Variants in IL2RG observed in about 807,000 individuals in gnomAD.
The protein encoded by IL2RG is cytokine receptor common subunit gamma.
For missense variants in IL2RG, 205 were observed against 272.9 expected (o/e 0.75, Z 1.75); for synonymous variants, 111 against 108.5 (o/e 1.02, Z -0.15).
chrX:71,109,883 T>C (rs1602289010), intron 4 of IL2RG, among the ~76,000 whole-genome samples: 1 of 96,630 alleles, frequency 1.0e-5, no homozygotes, highest in Admixed American at 1.2e-4. Context: ...GAGCCCAAGA[T>C]CGCCCCACTG....
rs754256514 is a variant in IL2RG at position 71,111,055 on chromosome X, A to C, written c.116-5T>G. ...GCATAGTGGTCAGGAAGAAATCTAG[A>C]TTGGGGAGAAAATGAAGGCAGGGAG... On this transcript the variant is annotated splice_polypyrimidine_tract_variant and splice_region_variant and intron_variant, in intron 1 of 7. Coordinates refer to ENST00000374202, the MANE Select transcript of IL2RG (RefSeq NM_000206.3). 16 of 1,187,703 alleles carry C rather than the reference A, an allele frequency of 1.3e-5. No homozygotes were observed. Among genetic ancestry groups the C allele is most frequent in the Non-Finnish European group, 1.8e-5 (16 of 882,415 alleles).
intron 4 of IL2RG, 151 bp downstream of exon 4, chrX:71,110,005 A>T: frequency 3.9e-6 from 2 of 519,116 alleles, no homozygotes; most frequent in Non-Finnish European, 6.7e-6. Context: ...TAGGGGGGAA[A>T]GGAGTTGGAG....
At position 71,107,836 on chromosome X, in the gene IL2RG, G is replaced by T. The variant is rs753250328; in HGVS notation, c.1010C>A (p.Pro337Gln). Residue 337 changes from proline to glutamine, a missense_variant, in exon 8 of 8, where the codon CCA (proline) becomes CAA (glutamine). By Grantham distance (76) the Pro-to-Gln change is moderately conservative. Coordinates refer to ENST00000374202, the MANE Select transcript of IL2RG (RefSeq NM_000206.3). ...CCCCTCCCCAAGGGCCCCTCCTTTTGGGGGAATCTCACTGACGAGGCAGAG... is the reference window on the plus strand; with the variant it reads ...CCCCTCCCCAAGGGCCCCTCCTTTTTGGGGAATCTCACTGACGAGGCAGAG... ...ERLCLVSEIP[P>Q]KGGALGEGPG... 9 of 1,206,778 alleles carry T rather than the reference G, an allele frequency of 7.5e-6. No homozygotes were observed. Among genetic ancestry groups the T allele is most frequent in the Non-Finnish European group, 1.0e-5 (9 of 891,975 alleles).
chrX:71,111,318 A>G (rs1192287450), intron 1 of IL2RG, 107 bp downstream of exon 1: 1 of 1,083,902 alleles, frequency 9.2e-7, no homozygotes, highest in East Asian at 3.2e-5. Context: ...CCACTTTTCA[A>G]TTCTGCCCAC....
chrX:71,109,453 C>G (rs1243659854), intron 4 of IL2RG, 63 bp from the exon 5 acceptor site: 24 of 1,028,258 alleles, frequency 2.3e-5, no homozygotes, highest in Non-Finnish European at 1.4e-6. Flanking sequence ...TTAAAACATA[C>G]TCCTGAACAC....
At chrX:71,109,608 A>G (rs1283967504) in intron 4 of IL2RG, among the ~76,000 whole-genome samples, 1 of 111,225 alleles carries the variant, frequency 9.0e-6, no homozygotes, top group Admixed American at 9.6e-5. Context: ...TCTATCTGGT[A>G]TCAGGAAGAG....
chrX:71,109,232 T>A lies in IL2RG; in HGVS notation c.753A>T (p.Ser251=), dbSNP rs2147748094. The A allele has an allele frequency of 2.6e-5, 31 of 1,210,985 alleles. No homozygotes were observed. The highest frequency in any genetic ancestry group is 3.5e-5 in the Non-Finnish European group (31 of 895,127). Residue 251 remains serine (S), a synonymous_variant, in exon 5 of 8, where the codon TCA becomes TCT. Transcript: ENST00000374202. The part of the protein sequence containing the change: ...SHPIHWGSNT[S]KENPFLFALE... ...GGTCATGTGGGCCCATTTTACCTTT[T>A]GAAGTATTGCTCCCCCAGTGGATTG...
chrX:71,108,199 A>G, intron 7 of IL2RG, 78 bp downstream of exon 7: 1 of 757,487 alleles, frequency 1.3e-6, no homozygotes, highest in Non-Finnish European at 2.1e-6. Flanking sequence ...CTCTGCCCCC[A>G]CCCCCACACT....
At position 71,111,456 on chromosome X, in the gene IL2RG, C is replaced by G. The variant is rs1215150748; in HGVS notation, c.84G>C (p.Leu28=). The G allele has an allele frequency of 8.3e-7, 1 of 1,211,180 alleles. No individual in the cohort carries two copies. Among genetic ancestry groups the G allele is most frequent in the South Asian group, 1.8e-5 (1 of 56,986 alleles). The change falls in exon 1 of 8, where the codon CTG becomes CTC. Residue 28 remains leucine, a synonymous_variant. Transcript: ENST00000374202. ...LLGVGLNTTI[L]TPNGNEDTTA... ...TGGTGTCTTCATTCCCATTGGGCGT[C>G]AGAATTGTCGTGTTCAGCCCCACTC... is the stretch of plus-strand genomic sequence containing the variant.
chrX:71,110,938 G>A lies in IL2RG; in HGVS notation c.228C>T (p.Ser76=). The part of the protein sequence containing the change: ...NVEYMNCTWN[S]SSEPQPTNLT... ...GGTTGGTAGGCTGGGGCTCAGAGCTGCTGTTCCAAGTGCAATTCATGTACT... is the reference window on the plus strand; with the variant it reads ...GGTTGGTAGGCTGGGGCTCAGAGCTACTGTTCCAAGTGCAATTCATGTACT... Residue 76 remains serine (S), a synonymous_variant, in exon 2 of 8, where the codon AGC becomes AGT. Transcript: ENST00000374202. 2 of 1,210,321 alleles carry A rather than the reference G, an allele frequency of 1.7e-6. No homozygotes were observed. Among genetic ancestry groups the A allele is most frequent in the South Asian group, 1.8e-5 (1 of 56,762 alleles).
rs375735883 is a variant in IL2RG at position 71,110,992 on chromosome X, T to C, written c.174A>G (p.Pro58=). ...CATTGAACACAAAACACTGAACCTC[T>C]GGGAGGGGCAGAGTGGAAACACTGA... ...DSLSVSTLPL[P]EVQCFVFNVE... is the part of the protein sequence containing the mutation. Residue 58 remains proline (P), a synonymous_variant, in exon 2 of 8, where the codon CCA becomes CCG. Coordinates refer to ENST00000374202, the MANE Select transcript of IL2RG (RefSeq NM_000206.3). The C allele has an allele frequency of 8.3e-6, 10 of 1,204,122 alleles. No individual in the cohort carries two copies. In the African/African-American group the frequency reaches 1.4e-4, roughly 17 times the overall value.
Position 71,107,823 on chromosome X carries a change from G to A in IL2RG, c.1023C>T (p.Ala341=). ...GGGAGGCCCCAGGCCCCTCCCCAAG[G>A]GCCCCTCCTTTTGGGGGAATCTCAC... ...LVSEIPPKGG[A]LGEGPGASPC... Residue 341 remains alanine, a synonymous_variant, in exon 8 of 8, where the codon GCC becomes GCT. Coordinates refer to ENST00000374202, the MANE Select transcript of IL2RG (RefSeq NM_000206.3). 1.7e-6 allele frequency: 2 copies of A among 1,203,143 alleles called. No homozygotes were observed. Among genetic ancestry groups the A allele is most frequent in the Non-Finnish European group, 2.2e-6 (2 of 889,751 alleles).
rs753956110 is a variant in IL2RG, at chrX:71,109,421, G to A, written c.595-31C>T. 5.1e-6 allele frequency: 6 copies of A among 1,170,734 alleles called. No homozygotes were observed. In the East Asian group the frequency reaches 1.5e-4, roughly 29 times the overall value. Reference sequence around the variant, plus strand: ...GGAGAAAGAGGATGAGGGAAAGTGGGTGTCTATGAGAGAAGGGAGAATTAA... The same window carrying A: ...GGAGAAAGAGGATGAGGGAAAGTGGATGTCTATGAGAGAAGGGAGAATTAA... On this transcript the variant is annotated intron_variant, in intron 4 of 7. Transcript: ENST00000374202.
rs768291371 is a variant in IL2RG at position 71,107,755 on chromosome X, G to A, written c.1091C>T (p.Thr364Ile). 2 of 1,146,255 alleles carry A rather than the reference G, an allele frequency of 1.7e-6. No homozygotes were observed. The highest frequency in any genetic ancestry group is 3.0e-5 in the East Asian group (1 of 33,112). The allele number at this position is 1,146,255 out of a possible 1,213,427, so 94.5% of individuals were successfully genotyped here. Residue 364 changes from threonine (T) to isoleucine (I), a missense_variant, in exon 8 of 8, where the codon ACC becomes ATC. Thr to Ile is a moderately conservative substitution (Grantham distance 89, BLOSUM62 -1). Transcript: ENST00000374202. ...TGGGGTTCAGGTTTCAGGCTTTAGG[G>A]TGTAACATGGGGGGGCCCAGTAGGG... ...HSPYWAPPCYTLKPET is the reference protein window; with the variant it reads ...HSPYWAPPCYILKPET
At chrX:71,109,156 G>A (rs1325603480) in intron 5 of IL2RG, 72 bp downstream of exon 5, 2 of 1,059,529 alleles carry the variant, frequency 1.9e-6, no homozygotes, top group African/African-American at 1.8e-5. Flanking sequence ...CAGGGAAGTG[G>A]AGCAAAAGAC....
rs560555283 is a variant in IL2RG at position 71,107,603 on chromosome X, C to T, written c.*133G>A. ...GGAATGCCAAATGAAGGGGTGCTTA[C>T]ATGGGGGCACAAAATTCCAAATCAG... is the stretch of plus-strand genomic sequence containing the variant. On this transcript the variant is annotated 3_prime_UTR_variant, in exon 8 of 8. Coordinates refer to ENST00000374202, the MANE Select transcript of IL2RG (RefSeq NM_000206.3). 21 of 387,749 alleles carry T rather than the reference C, an allele frequency of 5.4e-5. No homozygotes were observed. The South Asian group carries it at 1.8e-3, about 33-fold the overall frequency. 32.0% of individuals were successfully genotyped at this position (387,749 alleles called of 1,213,427 possible). A position where few individuals can be genotyped will look rare whatever the true frequency, so the allele number is the denominator to read the frequency against.
chrX:71,107,960 G>A (rs2092254319), intron 7 of IL2RG, 39 bp from the exon 8 acceptor site: 15 of 1,101,677 alleles, frequency 1.4e-5, no homozygotes, highest in Non-Finnish European at 1.9e-5. Flanking sequence ...TCAATTAGGG[G>A]CAGGAAGTAA....
At chrX:71,111,139 C>G (rs2092262990) in intron 1 of IL2RG, 89 bp from the exon 2 acceptor site, 1 of 961,055 alleles carries the variant, frequency 1.0e-6, no homozygotes, top group Non-Finnish European at 1.4e-6. Context: ...TGTCTGTAAT[C>G]CTGGTGCTTT....
Position 71,107,880 on chromosome X carries a change from C to G in IL2RG, c.966G>C (p.Gln322His). The G allele has an allele frequency of 1.7e-6, 2 of 1,209,267 alleles. No individual in the cohort carries two copies. The highest frequency in any genetic ancestry group is 2.2e-6 in the Non-Finnish European group (2 of 893,721). ...GVSKGLAESL[Q>H]PDYSERLCLV... ...GGCAGAGTCGTTCACTGTAGTCTGG[C>G]TGCAGACTCTCAGCCAGTCCCTTAG... The change falls in exon 8 of 8, where the codon CAG becomes CAC. Residue 322 changes from glutamine (Q) to histidine (H), a missense_variant. Coordinates refer to ENST00000374202, the MANE Select transcript of IL2RG (RefSeq NM_000206.3).
Sources: gnomAD v4.1 joint callset for allele counts (sites outside exome capture counted in the v4.1 genomes callset) on GRCh38, gnomAD v4.1.1 for gene constraint, MANE v1.5 for transcripts, NCBI Gene and HGNC (gene_info 2026-07-23, HGNC 2026-07-21) for gene names.